The following NRXN1 variants were observed in gnomAD, a reference collection of about 807,000 sequenced individuals.
NRXN1 encodes neurexin-1.
In NRXN1, 39 loss-of-function variants were observed where a neutral mutation model predicts 150.9. That is an observed-to-expected ratio of 0.26 (90% CI 0.20 to 0.34). NRXN1 has a LOEUF of 0.34. Ranked by LOEUF, NRXN1 falls within the 10% of genes least tolerant of loss-of-function variation. The pLI is 1.00. For synonymous variants in NRXN1, 924 were observed against 757.0 expected (o/e 1.22, Z -3.62); for missense variants, 1,815 against 1,949.9 (o/e 0.93, Z 1.30).
intron 21 of NRXN1, among the ~76,000 whole-genome samples, chr2:50,017,603 AAAG>A (rs1447022667): frequency 6.6e-6 from 1 of 152,316 alleles, no homozygotes; most frequent in East Asian, 1.9e-4. Flanking sequence ...GCTTACTTAA[AAAG>A]AAGTTTTCAG....
intron 21 of NRXN1, among the ~76,000 whole-genome samples, chr2:50,045,836 C>A (rs1320845108): frequency 1.3e-5 from 2 of 152,142 alleles, no homozygotes. Context: ...ACTAGGTACA[C>A]AGACTTCATT....
intron 5 of NRXN1, among the ~76,000 whole-genome samples, chr2:50,764,332 T>C (rs1252004917): frequency 2.6e-5 from 4 of 151,952 alleles, no homozygotes; most frequent in South Asian, 2.1e-4. Flanking sequence ...ATTCATACCA[T>C]ACTTTGCGTA....
chr2:50,269,434 G>A (rs1056982523), intron 17 of NRXN1, among the ~76,000 whole-genome samples: 9 of 152,120 alleles, frequency 5.9e-5, no homozygotes, highest in East Asian at 5.8e-4. Flanking sequence ...CCATGATTAC[G>A]TCTACGTATT....
At chr2:50,879,640 TG>T (rs962965537) in intron 5 of NRXN1, among the ~76,000 whole-genome samples, 2 of 151,762 alleles carry the variant, frequency 1.3e-5, no homozygotes, top group African/African-American at 4.8e-5. Context: ...GGGCAGCAGG[TG>T]GTACCTATTT....
At chr2:50,193,594 T>C (rs1355519900) in intron 18 of NRXN1, among the ~76,000 whole-genome samples, 1 of 152,144 alleles carries the variant, frequency 6.6e-6, no homozygotes, top group Non-Finnish European at 1.5e-5. Context: ...AATTGTTAAA[T>C]TGCCCTGAGT....
chr2:50,765,249 A>G (rs1702249996), intron 5 of NRXN1, among the ~76,000 whole-genome samples: 1 of 151,962 alleles, frequency 6.6e-6, no homozygotes, highest in Admixed American at 6.6e-5. Flanking sequence ...CCAAACCCTA[A>G]TTGTTCACTT....
intron 18 of NRXN1, among the ~76,000 whole-genome samples, chr2:50,131,091 G>T (rs1458873399): frequency 1.3e-5 from 2 of 152,204 alleles, no homozygotes; most frequent in Admixed American, 6.5e-5. Flanking sequence ...AATTTTGCAG[G>T]ACTCTCAGAT....
At chr2:50,630,898 C>T (rs1682186139) in intron 5 of NRXN1, among the ~76,000 whole-genome samples, 5 of 151,644 alleles carry the variant, frequency 3.3e-5, no homozygotes, top group Admixed American at 3.3e-4. Flanking sequence ...TAGAAGTCTG[C>T]ATTATTAAAA....
intron 5 of NRXN1, among the ~76,000 whole-genome samples, chr2:50,811,281 G>C (rs1327243580): frequency 6.6e-6 from 1 of 152,034 alleles, no homozygotes; most frequent in Non-Finnish European, 1.5e-5. Context: ...CCATCTCTCA[G>C]TTATTCACAC....
intron 17 of NRXN1, among the ~76,000 whole-genome samples, chr2:50,363,082 A>T (rs1233715721): frequency 6.6e-6 from 1 of 152,206 alleles, no homozygotes; most frequent in Non-Finnish European, 1.5e-5. Context: ...CCTTATACAA[A>T]AATTAACTTG....
chr2:50,049,461 G>A (rs566289474), intron 21 of NRXN1, among the ~76,000 whole-genome samples: 2 of 152,220 alleles, frequency 1.3e-5, no homozygotes, highest in Non-Finnish European at 1.5e-5. Context: ...CGAGATAGGT[G>A]GTTGTGTTGA....
rs1667804761 is a variant in NRXN1 at position 49,919,263 on chromosome 2, C to G, written c.*2681G>C. ...AGATACTTGGGATTCAAGTCATTTT[C>G]TCTTTCTAACTCTGTTCCTCTCTTT... On this transcript the variant is annotated 3_prime_UTR_variant, in exon 23 of 23. Coordinates refer to ENST00000401669, the MANE Select transcript of NRXN1 (RefSeq NM_001330078.2). 6.6e-6 allele frequency: 1 copy of G among 152,046 alleles called. No homozygotes were observed. Among genetic ancestry groups the G allele is most frequent in the African/African-American group, 2.4e-5 (1 of 41,438 alleles). 9.4% of individuals were successfully genotyped at this position (152,046 alleles called of 1,614,324 possible).
At chr2:50,098,230 C>A (rs193046488) in intron 18 of NRXN1, among the ~76,000 whole-genome samples, 3 of 152,118 alleles carry the variant, frequency 2.0e-5, no homozygotes, top group Non-Finnish European at 4.4e-5. Context: ...TTTCCTACTA[C>A]TGGGAGGAGA....
At chr2:50,630,668 T>A (rs1682134133) in intron 5 of NRXN1, among the ~76,000 whole-genome samples, 1 of 151,774 alleles carries the variant, frequency 6.6e-6, no homozygotes, top group Non-Finnish European at 1.5e-5. Flanking sequence ...TTTTCATACA[T>A]ATAATCCCAA....
chr2:50,531,121 A>G, intron 11 of NRXN1, 106 bp downstream of exon 11: 1 of 807,046 alleles, frequency 1.2e-6, no homozygotes, highest in Non-Finnish European at 2.0e-6. Flanking sequence ...AAGACCATTA[A>G]GTGTTTTAAT....
At chr2:50,219,902 TATATATATAA>T (rs1559114753) in intron 18 of NRXN1, among the ~76,000 whole-genome samples, 3 of 84,476 alleles carry the variant, frequency 3.6e-5, no homozygotes, top group African/African-American at 1.6e-4. Context: ...TACACACACA[TATATATATAA>T]AATCTCTCTC....
chr2:50,427,739 C>A (rs12473243), intron 17 of NRXN1, among the ~76,000 whole-genome samples: 1 of 152,020 alleles, frequency 6.6e-6, no homozygotes, highest in East Asian at 1.9e-4. Flanking sequence ...AGTAATTGAA[C>A]TTTCCTTTGG....
chr2:51,028,458 C>G lies in NRXN1; in HGVS notation c.-185G>C, dbSNP rs1670982698. Reference sequence around the variant, plus strand: ...CTTCTTCTTCCAATAACCCCGCCCTCTCTCCCTGTAGTCCTCTTCCAACTG... The same window carrying G: ...CTTCTTCTTCCAATAACCCCGCCCTGTCTCCCTGTAGTCCTCTTCCAACTG... On this transcript the variant is annotated 5_prime_UTR_variant, in exon 2 of 23. Coordinates refer to ENST00000401669, the MANE Select transcript of NRXN1 (RefSeq NM_001330078.2). The G allele has an allele frequency of 4.4e-6, 2 of 457,342 alleles. No homozygotes were observed. The highest frequency in any genetic ancestry group is 3.8e-5 in the Admixed American group (1 of 26,364). The allele number at this position is 457,342 out of a possible 1,614,324, so 28.3% of individuals were successfully genotyped here.
intron 21 of NRXN1, among the ~76,000 whole-genome samples, chr2:49,952,663 C>A (rs1674176325): frequency 6.6e-6 from 1 of 151,994 alleles, no homozygotes; most frequent in East Asian, 1.9e-4. Flanking sequence ...GTCTTTTTAT[C>A]TCTTTGACTT....
Sources: allele counts gnomAD v4.1 joint callset (sites outside exome capture counted in the v4.1 genomes callset), GRCh38; gene constraint gnomAD v4.1.1; transcripts MANE v1.5; gene names NCBI Gene and HGNC (gene_info 2026-07-23, HGNC 2026-07-21).